SLC30A10: variants seen among roughly 807,000 people sequenced by gnomAD.
SLC30A10 encodes the protein solute carrier family 30 member 10.
SLC30A10 carries 8 observed loss-of-function variants against 21.7 expected under a neutral mutation model. The ratio of observed to expected loss-of-function variants is 0.37; its 90% CI spans 0.22 to 0.67. SLC30A10 has a LOEUF of 0.67. Ranked by LOEUF, SLC30A10 falls within the 30% of genes least tolerant of loss-of-function variation. SLC30A10 has a pLI of 0.58. For missense variants in SLC30A10, 521 were observed against 642.5 expected, an observed-to-expected ratio of 0.81 and a Z score of 2.04; for synonymous variants, 272 against 279.4, an observed-to-expected ratio of 0.97 and a Z score of 0.26.
At chr1:219,933,120 A>G (rs898121852), upstream of SLC30A10, among the ~76,000 whole-genome samples, 3 of 151,928 alleles carry the variant, frequency 2.0e-5, no homozygotes, top group African/African-American at 7.2e-5. Flanking sequence ...TGAGTGGGCT[A>G]TATTTATAAG....
At chr1:219,934,550 C>T (rs1660021474) in intron 1 of SLC30A10, among the ~76,000 whole-genome samples, 1 of 152,040 alleles carries the variant, frequency 6.6e-6, no homozygotes, top group Non-Finnish European at 1.5e-5. Context: ...ATCTGTTGAT[C>T]GCATGGATGT....
At chr1:219,920,972 A>G (rs763036511) in intron 2 of SLC30A10, among the ~76,000 whole-genome samples, 14 of 152,184 alleles carry the variant, frequency 9.2e-5, no homozygotes, top group Non-Finnish European at 1.9e-4. Flanking sequence ...ACAAGACATC[A>G]TGGCTATCAC....
intron 1 of SLC30A10, among the ~76,000 whole-genome samples, chr1:219,948,427 G>T (rs1381951827): frequency 4.6e-5 from 7 of 152,066 alleles, no homozygotes; most frequent in African/African-American, 1.7e-4. Flanking sequence ...TAGATCAATG[G>T]AACAGAACAG....
chr1:219,942,321 A>C (rs1241987693), intron 1 of SLC30A10, among the ~76,000 whole-genome samples: 3 of 152,234 alleles, frequency 2.0e-5, no homozygotes, highest in Non-Finnish European at 4.4e-5. Flanking sequence ...TGGATGTTAT[A>C]AGAGACAAAA....
intron 1 of SLC30A10, among the ~76,000 whole-genome samples, chr1:219,941,376 A>G (rs919335308): frequency 2.6e-5 from 4 of 152,218 alleles, no homozygotes; most frequent in African/African-American, 9.6e-5. Flanking sequence ...AGGTCTAAGC[A>G]GTGCTAGAGC....
intron 3 of SLC30A10, among the ~76,000 whole-genome samples, chr1:219,917,640 G>A (rs1659574024): frequency 6.6e-6 from 1 of 150,956 alleles, no homozygotes; most frequent in South Asian, 2.1e-4. Context: ...ATAAATCTTT[G>A]ACATGAAAGT....
In SLC30A10 at chr1:219,913,875, G is replaced by A. The variant is rs992812084; in HGVS notation, c.*1574C>T. On this transcript the variant is annotated 3_prime_UTR_variant, in exon 4 of 4. Coordinates refer to ENST00000366926, the MANE Select transcript of SLC30A10 (RefSeq NM_018713.3). ...GCGAGAGAATCACTTGAGGCTAGGA[G>A]TTCAAGGCCAGCTGGGCAACATAGC... 6.6e-6 allele frequency: 1 copy of A among 152,182 alleles called. No individual in the cohort carries two copies. The highest frequency in any genetic ancestry group is 2.4e-5 in the African/African-American group (1 of 41,430). 9.4% of individuals were successfully genotyped at this position (152,182 alleles called of 1,614,324 possible). A position where few individuals can be genotyped will look rare whatever the true frequency, so the allele number is the denominator to read the frequency against.
chr1:219,936,799 T>G (rs1660051881), intron 1 of SLC30A10, among the ~76,000 whole-genome samples: 1 of 152,234 alleles, frequency 6.6e-6, no homozygotes. Context: ...GCTCCTAATT[T>G]GACTTTTGAA....
At position 219,912,152 on chromosome 1, in the gene SLC30A10, A is replaced by G. The variant is rs1473527564; in HGVS notation, c.*3297T>C. Among the ~76,000 whole-genome samples, 1 of 139,840 alleles carries G rather than the reference A, an allele frequency of 7.2e-6. No homozygotes were observed. The highest frequency in any genetic ancestry group is 1.5e-5 in the Non-Finnish European group (1 of 66,094). 91.7% of individuals were successfully genotyped at this position (139,840 alleles called of 152,430 possible). On this transcript the variant is annotated 3_prime_UTR_variant, in exon 4 of 4. Coordinates refer to ENST00000366926, the MANE Select transcript of SLC30A10 (RefSeq NM_018713.3). ...AGAGTTCTTGATTTACCACCACTGGAATTTGCTCTACCAATGGCAAAAAAA... is the reference window on the plus strand; with the variant it reads ...AGAGTTCTTGATTTACCACCACTGGGATTTGCTCTACCAATGGCAAAAAAA...
intron 1 of SLC30A10, among the ~76,000 whole-genome samples, chr1:219,956,611 G>A (rs1478008039): frequency 6.7e-6 from 1 of 149,786 alleles, no homozygotes; most frequent in East Asian, 1.9e-4. Flanking sequence ...TCAAGAGTTC[G>A]AGACCAGCCT....
chr1:219,918,182 A>C lies in SLC30A10; in HGVS notation c.958+73T>G. On this transcript the variant is annotated intron_variant, in intron 3 of 3. Transcript: ENST00000366926. This position sits in a 1 kb window ranked among gnomAD's most constrained non-coding sequence, Gnocchi z 4.4. ...AATACATAACTCAAACACTGCTCTT[A>C]AATAATGCTTGTCCTTTGGCCTGAA... 1 of 1,558,592 alleles carries C rather than the reference A, an allele frequency of 6.4e-7. No homozygotes were observed. The highest frequency in any genetic ancestry group is 1.2e-5 in the South Asian group (1 of 81,482).
chr1:219,926,967 A>ATAAAAGTC, intron 2 of SLC30A10, 61 bp downstream of exon 2: 1 of 1,349,432 alleles, frequency 7.4e-7, no homozygotes, highest in Non-Finnish European at 1.1e-6. Flanking sequence ...AACAGAAATA[A>ATAAAAGTC]ACAACACAGT....
intron 2 of SLC30A10, among the ~76,000 whole-genome samples, chr1:219,920,698 T>A (rs1248948474): frequency 6.6e-6 from 1 of 152,186 alleles, no homozygotes; most frequent in Non-Finnish European, 1.5e-5. Context: ...TAAGTCCTTT[T>A]AAGGACTGTA....
intron 1 of SLC30A10, among the ~76,000 whole-genome samples, chr1:219,957,115 G>A (rs1216623245): frequency 1.3e-5 from 2 of 152,170 alleles, no homozygotes; most frequent in Non-Finnish European, 2.9e-5. Context: ...GATGATTGGT[G>A]TAGCCATAGC....
At chr1:219,950,058 G>T (rs189904821) in intron 1 of SLC30A10, among the ~76,000 whole-genome samples, 1 of 152,208 alleles carries the variant, frequency 6.6e-6, no homozygotes, top group African/African-American at 2.4e-5. Flanking sequence ...TATTCAAGAG[G>T]CAAACTATCT....
Position 219,928,505 on chromosome 1 carries a change from C to T in SLC30A10, c.-65G>A, listed in dbSNP as rs1659905619. ...GCGCAGCCCACCCCGCGCGCAGCCA[C>T]AGGTGGGGGGCGCGGCGCGGATCCG... On this transcript the variant is annotated 5_prime_UTR_variant, in exon 1 of 4. In the 5' UTR this introduces an upstream ATG that the reference lacks. Coordinates refer to ENST00000366926, the MANE Select transcript of SLC30A10 (RefSeq NM_018713.3). This position sits in a 1 kb window ranked among gnomAD's most constrained non-coding sequence, Gnocchi z 6.3. The T allele has an allele frequency of 1.5e-6, 2 of 1,373,894 alleles. No homozygotes were observed. Among genetic ancestry groups the T allele is most frequent in the Non-Finnish European group, 9.5e-7 (1 of 1,054,970 alleles). The allele number at this position is 1,373,894 out of a possible 1,614,324, so 85.1% of individuals were successfully genotyped here.
chr1:219,937,845 C>T (rs1660067710), intron 1 of SLC30A10, among the ~76,000 whole-genome samples: 1 of 152,120 alleles, frequency 6.6e-6, no homozygotes, highest in Admixed American at 6.6e-5. Flanking sequence ...TCAATTTCTC[C>T]ACCCTGTCTT....
chr1:219,924,896 A>C (rs1659778202), intron 2 of SLC30A10, among the ~76,000 whole-genome samples: 1 of 152,192 alleles, frequency 6.6e-6, no homozygotes, highest in Non-Finnish European at 1.5e-5. Context: ...AGAGAGGTTC[A>C]ATAACTTGCC....
chr1:219,958,554 G>C (rs1341183457), intron 1 of SLC30A10: 2 of 152,866 alleles, frequency 1.3e-5, no homozygotes, highest in African/African-American at 4.8e-5. Context: ...GCCACCCTCT[G>C]AGTAGCTATT....
Sources: allele counts gnomAD v4.1 joint callset (sites outside exome capture counted in the v4.1 genomes callset), GRCh38; gene constraint gnomAD v4.1.1; non-coding constraint Gnocchi (gnomAD v3.1); transcripts MANE v1.5; gene names NCBI Gene and HGNC (gene_info 2026-07-23, HGNC 2026-07-21).